Variants in MIEF1 observed in about 807,000 individuals in gnomAD.
MIEF1 encodes mitochondrial elongation factor 1.
MIEF1 carries 14 observed loss-of-function variants against 35.1 expected under a neutral mutation model. The observed-to-expected ratio is 0.40, with a 90% confidence interval of 0.26 to 0.62. The LOEUF is 0.62. Among genes scored for constraint, MIEF1 ranks in the 20% least tolerant of loss-of-function variants. MIEF1 has a pLI of 0.43. For missense variants in MIEF1, 542 were observed against 615.4 expected (o/e 0.88, Z 1.26); for synonymous variants, 245 against 254.3 (o/e 0.96, Z 0.35).
chr22:39,512,236 A>C lies in MIEF1; in HGVS notation c.327A>C (p.Thr109=). The C allele has an allele frequency of 6.2e-7, 1 of 1,612,258 alleles. No individual in the cohort carries two copies. Among genetic ancestry groups the C allele is most frequent in the Non-Finnish European group, 8.5e-7 (1 of 1,179,930 alleles). The change falls in exon 5 of 6, where the codon ACA becomes ACC. Residue 109 remains threonine, a synonymous_variant. Coordinates refer to ENST00000325301, the MANE Select transcript of MIEF1 (RefSeq NM_019008.6). Reference sequence around the variant, plus strand: ...CTCTCTCTCTTGCCTTGGCAGATACATTCTGCCCGCCCCGGCCCAAGCCAG... The same window carrying C: ...CTCTCTCTCTTGCCTTGGCAGATACCTTCTGCCCGCCCCGGCCCAAGCCAG... ...PTDSSTFDTD[T]FCPPRPKPVA... is the part of the protein sequence containing the mutation.
intron 2 of MIEF1, 71 bp from the exon 3 acceptor site, chr22:39,511,217 G>A (rs961708627): frequency 1.9e-6 from 3 of 1,598,734 alleles, no homozygotes; most frequent in East Asian, 2.2e-5. Context: ...ACTTGTTGGG[G>A]TTTGGCTTGT....
chr22:39,513,571 C>G lies in MIEF1; in HGVS notation c.640C>G (p.Leu214Val), dbSNP rs201294596. Residue 214 changes from leucine (L) to valine (V), a missense_variant, in exon 6 of 6, where the codon CTG (leucine) becomes GTG (valine). Physicochemically the swap from Leu to Val is conservative, Grantham distance 32. Coordinates refer to ENST00000325301, the MANE Select transcript of MIEF1 (RefSeq NM_019008.6). ...LIVPLVLEQN[L>V]WSCIPGEDTI... ...TGTGCCCCTTGTGCTGGAGCAGAACCTGTGGTCATGTATTCCTGGTGAAGA... is the reference window on the plus strand; with the variant it reads ...TGTGCCCCTTGTGCTGGAGCAGAACGTGTGGTCATGTATTCCTGGTGAAGA... 2 of 1,614,114 alleles carry G rather than the reference C, an allele frequency of 1.2e-6. No individual in the cohort carries two copies. The highest frequency in any genetic ancestry group is 2.7e-5 in the African/African-American group (2 of 74,934).
At chr22:39,508,112 T>C (rs938930527) in intron 2 of MIEF1, among the ~76,000 whole-genome samples, 5 of 152,248 alleles carry the variant, frequency 3.3e-5, no homozygotes, top group African/African-American at 9.6e-5. Flanking sequence ...ACCGTTCACA[T>C]ACAGGATTGC....
rs1231966882 is a variant in MIEF1 at position 39,512,003 on chromosome 22, C to A, written c.299C>A (p.Thr100Lys). Residue 100 changes from threonine to lysine, a missense_variant, in exon 4 of 6, where the codon ACA (threonine) becomes AAA (lysine). By Grantham distance (78) the Thr-to-Lys change is moderately conservative. Transcript: ENST00000325301. ...GLSRSLQTLP[T>K]DSSTFDTDTF... ...AGCCGGTCCTTGCAGACCCTTCCCACAGACTCCTCCACCTTCGACACAGGT... is the reference window on the plus strand; with the variant it reads ...AGCCGGTCCTTGCAGACCCTTCCCAAAGACTCCTCCACCTTCGACACAGGT... 1.2e-6 allele frequency: 2 copies of A among 1,613,458 alleles called. No homozygotes were observed. The highest frequency in any genetic ancestry group is 1.3e-5 in the African/African-American group (1 of 74,928).
chr22:39,507,837 C>T (rs974676162), intron 2 of MIEF1, among the ~76,000 whole-genome samples: 7 of 151,932 alleles, frequency 4.6e-5, no homozygotes, highest in African/African-American at 1.7e-4. Flanking sequence ...TATACTCCAG[C>T]CTGGGTGACA....
intron 2 of MIEF1, among the ~76,000 whole-genome samples, chr22:39,510,218 A>G (rs538271213): frequency 2.0e-5 from 3 of 152,200 alleles, no homozygotes; most frequent in Admixed American, 2.0e-4. Flanking sequence ...TCGGCCTCCC[A>G]AAGTGCTGGG....
intron 2 of MIEF1, chr22:39,504,803 G>C (rs1929935438): frequency 5.9e-6 from 1 of 168,984 alleles, no homozygotes; most frequent in Non-Finnish European, 1.3e-5. Context: ...GAAAAAAGAG[G>C]ACATTTGAGG....
rs1366936743 is a variant in MIEF1, at chr22:39,517,256, TAATA to T, written c.*2937_*2940del. 5.0e-6 allele frequency: 1 copy of T among 200,162 alleles called. No homozygotes were observed. The allele number at this position is 200,162 out of a possible 1,614,324, so 12.4% of individuals were successfully genotyped here. A position where few individuals can be genotyped will look rare whatever the true frequency, so the allele number is the denominator to read the frequency against. ...AAAAATGCACTCATTATCTTAAACC[TAATA>T]AATTCCAGAGTTTATTTTGGTTCTC... On this transcript the variant is annotated 3_prime_UTR_variant, in exon 6 of 6. Transcript: ENST00000325301.
chr22:39,502,260 T>G (rs887912670), upstream of MIEF1: 1 of 152,376 alleles, frequency 6.6e-6, no homozygotes, highest in African/African-American at 2.4e-5. Flanking sequence ...GAGAGAGAGC[T>G]TGGAGAAGAC....
intron 2 of MIEF1, 22 bp from the exon 3 acceptor site, chr22:39,511,266 C>A: frequency 6.2e-7 from 1 of 1,613,134 alleles, no homozygotes; most frequent in Non-Finnish European, 8.5e-7. Context: ...TACTTATGGC[C>A]GTGTTCTGTC....
At chr22:39,511,545 AATG>A (rs1252950183) in intron 3 of MIEF1, 107 bp downstream of exon 3, 5 of 1,418,300 alleles carry the variant, frequency 3.5e-6, no homozygotes, top group African/African-American at 1.4e-5. Context: ...AAATGATCGC[AATG>A]ATAAGTGAAA....
At chr22:39,512,529 A>G (rs770281497) in intron 5 of MIEF1, 35 bp downstream of exon 5, 1 of 1,581,486 alleles carries the variant, frequency 6.3e-7, no homozygotes, top group Non-Finnish European at 8.6e-7. Flanking sequence ...GTGGGGTTTG[A>G]GTGCTGAGCA....
At position 39,512,372 on chromosome 22, in the gene MIEF1, G is replaced by C; in HGVS notation, c.463G>C (p.Ala155Pro). Residue 155 changes from alanine (A) to proline (P), a missense_variant, in exon 5 of 6, where the codon GCT becomes CCT. Ala to Pro is a conservative substitution (Grantham distance 27). Transcript: ENST00000325301. ...GGCAGCCATCCCTGCTGGAGAGCAGGCTCGGGCCAAGCAAGCTGCTGTGGA... is the reference window on the plus strand; with the variant it reads ...GGCAGCCATCCCTGCTGGAGAGCAGCCTCGGGCCAAGCAAGCTGCTGTGGA... The part of the protein sequence containing the change: ...NRAAIPAGEQ[A>P]RAKQAAVDIC... 5 of 1,614,214 alleles carry C rather than the reference G, an allele frequency of 3.1e-6. No homozygotes were observed. Among genetic ancestry groups the C allele is most frequent in the Non-Finnish European group, 4.2e-6 (5 of 1,180,046 alleles).
At chr22:39,502,525 A>C (rs1020716636) in intron 1 of MIEF1, 88 bp downstream of exon 1, 2 of 152,260 alleles carry the variant, frequency 1.3e-5, no homozygotes, top group Non-Finnish European at 2.9e-5. Flanking sequence ...GGCGCCTCGC[A>C]TGCGGCCCGG....
At position 39,515,854 on chromosome 22, in the gene MIEF1, C is replaced by A. The variant is rs1451729964; in HGVS notation, c.*1531C>A. 1 of 157,064 alleles carries A rather than the reference C, an allele frequency of 6.4e-6. No homozygotes were observed. Among genetic ancestry groups the A allele is most frequent in the African/African-American group, 2.4e-5 (1 of 41,468 alleles). The allele number at this position is 157,064 out of a possible 1,614,324, so 9.7% of individuals were successfully genotyped here. ...CTCCATCATTGAGGTTCTGGTGAAG[C>A]TCTCTGCAGCTGTCTCATTCCTTCC... On this transcript the variant is annotated 3_prime_UTR_variant, in exon 6 of 6. Transcript: ENST00000325301.
chr22:39,515,273 T>G lies in MIEF1; in HGVS notation c.*950T>G. On this transcript the variant is annotated 3_prime_UTR_variant, in exon 6 of 6. Coordinates refer to ENST00000325301, the MANE Select transcript of MIEF1 (RefSeq NM_019008.6). ...CGCAGCCTTAGACATCAGGTGAGGA[T>G]GATGGAGGTAGACAGTCGACTGAAT... The G allele has an allele frequency of 1.4e-6, 1 of 717,478 alleles. No individual in the cohort carries two copies. Among genetic ancestry groups the G allele is most frequent in the South Asian group, 1.5e-5 (1 of 67,592 alleles). 44.4% of individuals were successfully genotyped at this position (717,478 alleles called of 1,614,324 possible).
chr22:39,513,721 G>C lies in MIEF1; in HGVS notation c.790G>C (p.Asp264His). The C allele has an allele frequency of 6.2e-7, 1 of 1,614,214 alleles. No homozygotes were observed. Among genetic ancestry groups the C allele is most frequent in the South Asian group, 1.1e-5 (1 of 91,084 alleles). ...GGYLSPKTVA[D>H]TFEKVVAGSI... ...CTACCTCTCTCCAAAGACAGTCGCA[G>C]ATACATTTGAGAAGGTAGTGGCTGG... The change falls in exon 6 of 6, where the codon GAT (aspartate) becomes CAT (histidine). Residue 264 changes from aspartate to histidine, a missense_variant. Asp to His is a moderately conservative substitution (Grantham distance 81). Coordinates refer to ENST00000325301, the MANE Select transcript of MIEF1 (RefSeq NM_019008.6).
chr22:39,515,103 G>A lies in MIEF1; in HGVS notation c.*780G>A, dbSNP rs554665643. On this transcript the variant is annotated 3_prime_UTR_variant, in exon 6 of 6. Coordinates refer to ENST00000325301, the MANE Select transcript of MIEF1 (RefSeq NM_019008.6). The stretch of plus-strand genomic sequence containing the variant: ...TGGTTAAGGGCCTAGTGAAGGGTTT[G>A]TGTGCCCAGTGTCTGCTCGTCATCT... The A allele has an allele frequency of 3.4e-5, 21 of 614,460 alleles. No individual in the cohort carries two copies. The East Asian group carries it at 5.3e-4, about 15-fold the overall frequency. 38.1% of individuals were successfully genotyped at this position (614,460 alleles called of 1,614,324 possible).
rs1018542096 is a variant in MIEF1, at chr22:39,511,859, G to A, written c.155G>A (p.Arg52Gln). 1.9e-6 allele frequency: 3 copies of A among 1,612,570 alleles called. No individual in the cohort carries two copies. The highest frequency in any genetic ancestry group is 1.7e-5 in the Admixed American group (1 of 59,830). ...TCTCTGCTATTTCAGATGTACGATC[G>A]GGCGATCAGTGCCCCTACCAGCCCC... The part of the protein sequence containing the change: ...ATLAVKRMYD[R>Q]AISAPTSPTR... Residue 52 changes from arginine (R) to glutamine (Q), a missense_variant, in exon 4 of 6, where the codon CGG (arginine) becomes CAG (glutamine). Transcript: ENST00000325301.
Sources: gnomAD v4.1 joint callset for allele counts (sites outside exome capture counted in the v4.1 genomes callset) on GRCh38, gnomAD v4.1.1 for gene constraint, MANE v1.5 for transcripts, NCBI Gene and HGNC (gene_info 2026-07-23, HGNC 2026-07-21) for gene names.